DCAF8L2: variants seen among roughly 807,000 people sequenced by gnomAD.
DCAF8L2 encodes the protein DDB1- and CUL4-associated factor 8-like protein 2.
For synonymous variants in DCAF8L2, 200 were observed against 190.9 expected, an observed-to-expected ratio of 1.05 and a Z score of -0.39; for missense variants, 430 against 490.7, an observed-to-expected ratio of 0.88 and a Z score of 1.17.
intron 2 of DCAF8L2, among the ~76,000 whole-genome samples, chrX:27,666,880 A>G (rs1157344756): frequency 8.9e-6 from 1 of 112,187 alleles, no homozygotes; most frequent in East Asian, 2.8e-4. Flanking sequence ...ATTTGTTTCC[A>G]CAATGAAGAC....
At chrX:27,472,142 A>G in the DCAF8L2 span, among the ~76,000 whole-genome samples, 1 of 111,650 alleles carries the variant, frequency 9.0e-6, no homozygotes, top group Non-Finnish European at 1.9e-5. Flanking sequence ...ACACATCACC[A>G]TTCTCTTTCC....
the DCAF8L2 span, among the ~76,000 whole-genome samples, chrX:27,508,391 T>C: frequency 9.0e-6 from 1 of 110,719 alleles, no homozygotes; most frequent in Non-Finnish European, 1.9e-5. Flanking sequence ...GTATACAGTG[T>C]CCACTCTGAT....
chrX:27,497,460 C>T, the DCAF8L2 span, among the ~76,000 whole-genome samples: 1 of 109,775 alleles, frequency 9.1e-6, no homozygotes, highest in Non-Finnish European at 1.9e-5. Context: ...CCCCATTTCC[C>T]CATTTCCCAT....
the DCAF8L2 span, among the ~76,000 whole-genome samples, chrX:27,513,853 C>A: frequency 3.6e-5 from 4 of 111,139 alleles, no homozygotes; most frequent in Admixed American, 9.5e-5. Context: ...TACTTTACCC[C>A]AGTCAAAATG....
At chrX:27,514,678 A>AAAAAAAC in the DCAF8L2 span, among the ~76,000 whole-genome samples, 2 of 75,669 alleles carry the variant, frequency 2.6e-5, no homozygotes, top group Admixed American at 1.5e-4. Flanking sequence ...CAAAAAAAAA[A>AAAAAAAC]AAAAAAAAAA....
chrX:27,560,533 T>A, the DCAF8L2 span, among the ~76,000 whole-genome samples: 4 of 111,735 alleles, frequency 3.6e-5, no homozygotes, highest in African/African-American at 1.3e-4. Context: ...GATGTAACGG[T>A]GATAGCTACT....
the DCAF8L2 span, among the ~76,000 whole-genome samples, chrX:27,545,898 C>T: frequency 9.0e-6 from 1 of 111,325 alleles, no homozygotes; most frequent in Non-Finnish European, 1.9e-5. Context: ...AGAACCAAAC[C>T]ATATCATTCT....
intron 3 of DCAF8L2, among the ~76,000 whole-genome samples, chrX:27,688,282 C>A (rs1352897195): frequency 1.8e-5 from 2 of 111,548 alleles, no homozygotes; most frequent in Non-Finnish European, 3.8e-5. Context: ...TATGACCATC[C>A]AATCTCTCCT....
At chrX:27,533,517 T>C in the DCAF8L2 span, among the ~76,000 whole-genome samples, 2 of 111,934 alleles carry the variant, frequency 1.8e-5, no homozygotes, top group Admixed American at 1.9e-4. Context: ...CACCTTATAA[T>C]AAAGAAGCCA....
At chrX:27,472,505 C>G in the DCAF8L2 span, among the ~76,000 whole-genome samples, 1 of 111,204 alleles carries the variant, frequency 9.0e-6, no homozygotes, top group African/African-American at 3.3e-5. Context: ...GGTATTAAAC[C>G]CCACATGCAT....
At chrX:27,679,189 C>T (rs1208015559) in intron 3 of DCAF8L2, among the ~76,000 whole-genome samples, 1 of 111,538 alleles carries the variant, frequency 9.0e-6, no homozygotes, top group African/African-American at 3.3e-5. Context: ...TGTTTCATTG[C>T]TATTTGAATC....
At chrX:27,481,511 CAT>C in the DCAF8L2 span, among the ~76,000 whole-genome samples, 1 of 111,239 alleles carries the variant, frequency 9.0e-6, no homozygotes, top group East Asian at 2.8e-4. Context: ...ACATTTTTAA[CAT>C]GTGGAAAATG....
At chrX:27,659,776 G>T (rs1929487855) in intron 2 of DCAF8L2, among the ~76,000 whole-genome samples, 2 of 109,765 alleles carry the variant, frequency 1.8e-5, no homozygotes, top group South Asian at 7.8e-4. Context: ...TTTCTATTTG[G>T]TTCTTTTTAG....
chrX:27,656,377 T>C (rs1260291986), intron 2 of DCAF8L2, among the ~76,000 whole-genome samples: 3 of 112,177 alleles, frequency 2.7e-5, no homozygotes, highest in African/African-American at 6.5e-5. Flanking sequence ...CTAATGATCA[T>C]ACTGCTTTGC....
At chrX:27,473,521 A>G in the DCAF8L2 span, among the ~76,000 whole-genome samples, 1 of 110,627 alleles carries the variant, frequency 9.0e-6, no homozygotes, top group East Asian at 2.9e-4. Context: ...GAGAGCTCAC[A>G]TATATGCTAA....
the DCAF8L2 span, among the ~76,000 whole-genome samples, chrX:27,528,127 A>T: frequency 9.7e-6 from 1 of 103,345 alleles, no homozygotes; most frequent in Non-Finnish European, 2.0e-5. Context: ...TTATTAAATT[A>T]TAATTAAATT....
At chrX:27,681,112 C>A (rs1930310578) in intron 3 of DCAF8L2, among the ~76,000 whole-genome samples, 1 of 111,324 alleles carries the variant, frequency 9.0e-6, no homozygotes, top group African/African-American at 3.3e-5. Context: ...AATGGAGAAG[C>A]CTTTTACTCA....
chrX:27,669,743 G>A (rs998750863), intron 2 of DCAF8L2, among the ~76,000 whole-genome samples: 7 of 109,977 alleles, frequency 6.4e-5, no homozygotes, highest in Non-Finnish European at 9.5e-5. Flanking sequence ...CTGTCCTTGC[G>A]ATAGTTTGCT....
intron 3 of DCAF8L2, among the ~76,000 whole-genome samples, chrX:27,680,484 A>T (rs1930285183): frequency 8.9e-6 from 1 of 112,177 alleles, no homozygotes; most frequent in Middle Eastern, 4.2e-3. Context: ...AGAAGTAAAG[A>T]ATAATAATTT....
Sources: allele counts gnomAD v4.1 joint callset (sites outside exome capture counted in the v4.1 genomes callset), GRCh38; gene constraint gnomAD v4.1.1; transcripts MANE v1.5; gene names NCBI Gene and HGNC (gene_info 2026-07-23, HGNC 2026-07-21).